Variants in SLCO1B3 observed in about 807,000 individuals in gnomAD.
The protein encoded by SLCO1B3 is solute carrier organic anion transporter family member 1B3.
SLCO1B3 carries 72 observed loss-of-function variants against 71.8 expected under a neutral mutation model. The observed-to-expected ratio is 1.00, with a 90% CI of 0.83 to 1.22. SLCO1B3 has a LOEUF of 1.22. SLCO1B3 is among the 50% of genes most tolerant of loss of function. SLCO1B3 has a pLI of 0.00. For synonymous variants in SLCO1B3, 298 were observed against 278.4 expected (o/e 1.07, Z -0.70); for missense variants, 911 against 819.7 (o/e 1.11, Z -1.36).
chr12:20,862,471 C>G lies in SLCO1B3; in HGVS notation c.541C>G (p.Arg181Gly), dbSNP rs746941097. 5.6e-6 allele frequency: 9 copies of G among 1,612,916 alleles called. No individual in the cohort carries two copies. The highest frequency in any genetic ancestry group is 5.5e-5 in the South Asian group (5 of 90,950). The stretch of plus-strand genomic sequence containing the variant: ...CTATGTCTTCATGGGGAATATGCTT[C>G]GTGGCATAGGGGAAACCCCCATAGT... ...WIYVFMGNML[R>G]GIGETPIVPL... Residue 181 changes from arginine (R) to glycine (G), a missense_variant, in exon 7 of 16, where the codon CGT (arginine) becomes GGT (glycine). By Grantham distance (125) the Arg-to-Gly change is moderately radical. Coordinates refer to ENST00000381545, the MANE Select transcript of SLCO1B3 (RefSeq NM_019844.4).
intron 3 of SLCO1B3, among the ~76,000 whole-genome samples, chr12:20,853,953 T>TTTTTTTTTTTTTTGAGACGGAGTCTCG (rs1407605243): frequency 1.3e-5 from 2 of 151,778 alleles, no homozygotes; most frequent in African/African-American, 4.8e-5. Context: ...TTCTTGTTAT[T>TTTTTTTTTTTTTTGAGACGGAGTCTCG]CCTCCTTTGA....
chr12:20,862,118 T>A (rs1304683318), intron 6 of SLCO1B3, among the ~76,000 whole-genome samples: 1 of 152,128 alleles, frequency 6.6e-6, no homozygotes, highest in Non-Finnish European at 1.5e-5. Flanking sequence ...TAACCTGGAT[T>A]TTTAAATATG....
chr12:20,840,804 C>T (rs566567282), intron 3 of SLCO1B3, among the ~76,000 whole-genome samples: 39 of 152,216 alleles, frequency 2.6e-4, no homozygotes, highest in African/African-American at 8.9e-4. Flanking sequence ...GCTTAGATAA[C>T]ACCAGAGCTT....
chr12:20,861,207 G>T, intron 6 of SLCO1B3, 69 bp downstream of exon 6: 1 of 1,343,880 alleles, frequency 7.4e-7, no homozygotes, highest in South Asian at 1.5e-5. Flanking sequence ...TAAAGTTTCT[G>T]ATATTCTTTA....
chr12:20,888,609 AG>A (rs1426701803), intron 13 of SLCO1B3, among the ~76,000 whole-genome samples: 5 of 151,990 alleles, frequency 3.3e-5, no homozygotes. Context: ...AGGGTTTTCT[AG>A]GTGTAAGATT....
intron 3 of SLCO1B3, among the ~76,000 whole-genome samples, chr12:20,827,490 G>A (rs577181107): frequency 6.6e-6 from 1 of 152,048 alleles, no homozygotes; most frequent in Non-Finnish European, 1.5e-5. Context: ...AGACTTATTA[G>A]TCATGAAGAT....
In SLCO1B3 at chr12:20,858,546, T is replaced by C. The variant is rs4149117; in HGVS notation, c.334T>C (p.Ser112Pro). The stretch of plus-strand genomic sequence containing the variant: ...TATGGGAACTGGAAGTATTTTGACA[T>C]CTTTACCACATTTCTTCATGGGATA... ...LLMGTGSILT[S>P]LPHFFMGYYR... is the part of the protein sequence containing the mutation. The change falls in exon 5 of 16, where the codon TCT becomes CCT. Residue 112 changes from serine (S) to proline (P), a missense_variant. Coordinates refer to ENST00000381545, the MANE Select transcript of SLCO1B3 (RefSeq NM_019844.4). 1 of 1,603,684 alleles carries C rather than the reference T, an allele frequency of 6.2e-7. No homozygotes were observed. Among genetic ancestry groups the C allele is most frequent in the Non-Finnish European group, 8.5e-7 (1 of 1,171,012 alleles).
At chr12:20,901,842 A>T (rs1252119861) in intron 15 of SLCO1B3, 1 of 420,748 alleles carries the variant, frequency 2.4e-6, no homozygotes, top group Non-Finnish European at 4.7e-6. Context: ...AGCTCTGGTT[A>T]TATGGTAATT....
At chr12:20,831,199 A>G (rs562658206) in intron 3 of SLCO1B3, among the ~76,000 whole-genome samples, 2 of 152,154 alleles carry the variant, frequency 1.3e-5, no homozygotes, top group South Asian at 4.2e-4. Flanking sequence ...TCTACTAAAA[A>G]TACACAAATT....
intron 8 of SLCO1B3, among the ~76,000 whole-genome samples, chr12:20,871,226 C>A (rs780869792): frequency 6.6e-6 from 1 of 152,096 alleles, no homozygotes; most frequent in Non-Finnish European, 1.5e-5. Flanking sequence ...CCTGCTCCTC[C>A]ATTTTTTGGA....
intron 14 of SLCO1B3, 62 bp downstream of exon 14, chr12:20,898,562 C>A: frequency 1.4e-6 from 1 of 732,774 alleles, no homozygotes; most frequent in Non-Finnish European, 2.2e-6. Context: ...ATACTAAAGA[C>A]TGAATGCAAT....
At position 20,875,456 on chromosome 12, in the gene SLCO1B3, A is replaced by G. The variant is rs146565174; in HGVS notation, c.949A>G (p.Asn317Asp). The G allele has an allele frequency of 6.6e-5, 106 of 1,601,744 alleles. No homozygotes were observed. Among genetic ancestry groups the G allele is most frequent in the Non-Finnish European group, 8.9e-5 (105 of 1,177,556 alleles). The change falls in exon 9 of 16, where the codon AAT (asparagine) becomes GAT (aspartate). Residue 317 changes from asparagine (N) to aspartate (D), a missense_variant. Transcript: ENST00000381545. ...QTANLTNQGKNVTKNVTGFFQ... is the reference protein window; with the variant it reads ...QTANLTNQGKDVTKNVTGFFQ... The stretch of plus-strand genomic sequence containing the variant: ...AGCTAATTTGACCAACCAAGGAAAA[A>G]ATGTTACCAAAAATGTGACTGGTAG...
chr12:20,839,960 A>G (rs1864761309), intron 3 of SLCO1B3, among the ~76,000 whole-genome samples: 1 of 152,140 alleles, frequency 6.6e-6, no homozygotes, highest in Non-Finnish European at 1.5e-5. Flanking sequence ...TGTCAAAGGA[A>G]TTACTTATTT....
intron 5 of SLCO1B3, among the ~76,000 whole-genome samples, chr12:20,860,676 T>G (rs1865243910): frequency 6.6e-6 from 1 of 151,230 alleles, no homozygotes; most frequent in Non-Finnish European, 1.5e-5. Context: ...TCTTTGATGG[T>G]AACTCAAAGG....
At chr12:20,834,227 T>G (rs1199950608) in intron 3 of SLCO1B3, among the ~76,000 whole-genome samples, 1 of 145,918 alleles carries the variant, frequency 6.9e-6, no homozygotes, top group Non-Finnish European at 1.5e-5. Flanking sequence ...ATGGAGAAAG[T>G]GTGTATATAT....
chr12:20,898,248 T>C (rs1460577923), intron 13 of SLCO1B3, among the ~76,000 whole-genome samples, 188 bp from the exon 14 acceptor site: 2 of 152,104 alleles, frequency 1.3e-5, no homozygotes, highest in Non-Finnish European at 2.9e-5. Flanking sequence ...ATAAAGAAAT[T>C]ATTATTATTA....
At chr12:20,839,640 C>A (rs905673272) in intron 3 of SLCO1B3, among the ~76,000 whole-genome samples, 11 of 151,954 alleles carry the variant, frequency 7.2e-5, no homozygotes, top group African/African-American at 2.7e-4. Flanking sequence ...CCTAGGTGGA[C>A]TCTTTAAAGC....
rs75699460 is a variant in SLCO1B3, at chr12:20,915,949, A to T, written c.1866-55A>T. On this transcript the variant is annotated intron_variant, in intron 15 of 15. Coordinates refer to ENST00000381545, the MANE Select transcript of SLCO1B3 (RefSeq NM_019844.4). The stretch of plus-strand genomic sequence containing the variant: ...ATGCATACTGGGGAGAAAAAAATGT[A>T]AGATATTTTACACATTTAAAATAAT... 1.9e-4 allele frequency: 266 copies of T among 1,402,312 alleles called. No homozygotes were observed. In the African/African-American group the frequency reaches 3.1e-3, roughly 16 times the overall value. 86.9% of individuals were successfully genotyped at this position (1,402,312 alleles called of 1,614,324 possible).
chr12:20,873,470 A>G lies in SLCO1B3; in HGVS notation c.728-1765A>G, dbSNP rs75787953. ...TCTGTAGTTCCCAGGTGTCTGGCAT[A>G]TGCTGGGTCCTCTCAGTACTTCGAG... On this transcript the variant is annotated intron_variant, in intron 8 of 15. Transcript: ENST00000381545. Among the ~76,000 whole-genome samples the G allele has an allele frequency of 6.9e-3, 1,053 of 152,264 alleles. 9 individuals are homozygous for G. Among genetic ancestry groups the G allele is most frequent in the African/African-American group, 0.023 (966 of 41,564 alleles).
Sources: allele counts gnomAD v4.1 joint callset (sites outside exome capture counted in the v4.1 genomes callset), GRCh38; gene constraint gnomAD v4.1.1; transcripts MANE v1.5; gene names NCBI Gene and HGNC (gene_info 2026-07-23, HGNC 2026-07-21).